DIPK1A: variants seen among roughly 807,000 people sequenced by gnomAD.
DIPK1A encodes the protein divergent protein kinase domain 1A, also known as family with sequence similarity 69 member A.
In DIPK1A, 27 loss-of-function variants were observed where a neutral mutation model predicts 40.8. That is an observed-to-expected ratio of 0.66 (90% confidence interval 0.49 to 0.91). The LOEUF is 0.91. Among genes scored for constraint, DIPK1A ranks in the 40% least tolerant of loss-of-function variants. DIPK1A has a pLI of 0.00. For synonymous variants in DIPK1A, 166 were observed against 171.3 expected (o/e 0.97, Z 0.24); for missense variants, 412 against 505.7 (o/e 0.81, Z 1.78).
intron 1 of DIPK1A, among the ~76,000 whole-genome samples, chr1:92,958,036 T>C (rs1481669781): frequency 6.6e-6 from 1 of 152,228 alleles, no homozygotes; most frequent in Non-Finnish European, 1.5e-5. Flanking sequence ...CATGTTACAG[T>C]GTGTATCAGA....
intron 1 of DIPK1A, among the ~76,000 whole-genome samples, chr1:92,944,692 G>C (rs909526819): frequency 4.6e-5 from 7 of 152,172 alleles, no homozygotes; most frequent in Admixed American, 3.9e-4. Context: ...GAGTGCAGTG[G>C]TGCGATCTTG....
chr1:92,953,887 CA>C (rs1651737606), intron 1 of DIPK1A, among the ~76,000 whole-genome samples: 1 of 151,962 alleles, frequency 6.6e-6, no homozygotes, highest in Non-Finnish European at 1.5e-5. Context: ...GTTAAGATAG[CA>C]AATTTTATGT....
chr1:92,858,369 G>C (rs1374756135), intron 2 of DIPK1A, among the ~76,000 whole-genome samples: 1 of 151,962 alleles, frequency 6.6e-6, no homozygotes, highest in Non-Finnish European at 1.5e-5. Context: ...TTGTGTCCAA[G>C]TTATCTTCCC....
intron 2 of DIPK1A, among the ~76,000 whole-genome samples, chr1:92,853,626 A>G (rs1460436880): frequency 6.6e-6 from 1 of 152,224 alleles, no homozygotes; most frequent in Non-Finnish European, 1.5e-5. Context: ...TAGTGTAAGT[A>G]TAGACCACCT....
At chr1:92,911,055 T>C (rs964194874) in intron 1 of DIPK1A, among the ~76,000 whole-genome samples, 1 of 152,234 alleles carries the variant, frequency 6.6e-6, no homozygotes, top group African/African-American at 2.4e-5. Flanking sequence ...TCATACAATA[T>C]GTAAACTTTG....
chr1:92,846,843 GTGTGTATATATATA>G (rs1687639168), intron 4 of DIPK1A, among the ~76,000 whole-genome samples: 14 of 330 alleles, frequency 0.042, no homozygotes, highest in Admixed American at 0.25. Context: ...ATATATATAT[GTGTGTATATATATA>G]TGTGTGTATA....
chr1:92,855,027 G>A (rs528649682), intron 2 of DIPK1A, among the ~76,000 whole-genome samples: 1 of 151,448 alleles, frequency 6.6e-6, no homozygotes, highest in Middle Eastern at 3.4e-3. Flanking sequence ...AAGTCAAGTT[G>A]AAGTCCCATA....
chr1:92,892,104 C>G (rs1648915676), intron 1 of DIPK1A, among the ~76,000 whole-genome samples: 1 of 152,090 alleles, frequency 6.6e-6, no homozygotes, highest in Non-Finnish European at 1.5e-5. Flanking sequence ...AAACAAAAGG[C>G]AGCAGAAACC....
chr1:92,862,729 C>CTA (rs1647336789), intron 2 of DIPK1A, among the ~76,000 whole-genome samples: 1 of 152,182 alleles, frequency 6.6e-6, no homozygotes, highest in Non-Finnish European at 1.5e-5. Context: ...AACTCCTTAC[C>CTA]ATGAGATACA....
intron 1 of DIPK1A, among the ~76,000 whole-genome samples, chr1:92,917,175 C>G (rs972860213): frequency 1.3e-5 from 2 of 152,174 alleles, no homozygotes; most frequent in African/African-American, 4.8e-5. Flanking sequence ...ACTCTTCCCC[C>G]TATGTTGACT....
At chr1:92,896,177 A>G (rs1335395062) in intron 1 of DIPK1A, among the ~76,000 whole-genome samples, 1 of 152,194 alleles carries the variant, frequency 6.6e-6, no homozygotes, top group Non-Finnish European at 1.5e-5. Context: ...ATGGAACCAA[A>G]AAAGAGCCCG....
chr1:92,947,478 T>C (rs1229137128), intron 1 of DIPK1A, among the ~76,000 whole-genome samples: 8 of 152,152 alleles, frequency 5.3e-5, no homozygotes, highest in Non-Finnish European at 1.0e-4. Flanking sequence ...AAAAGGGAAC[T>C]CTTATACACA....
At chr1:92,862,514 TGTC>T (rs1378238855) in intron 2 of DIPK1A, among the ~76,000 whole-genome samples, 1 of 152,202 alleles carries the variant, frequency 6.6e-6, no homozygotes, top group Non-Finnish European at 1.5e-5. Flanking sequence ...CCATTCCCAT[TGTC>T]AATGCCATAG....
At chr1:92,867,671 A>T (rs1161487450) in intron 2 of DIPK1A, among the ~76,000 whole-genome samples, 5 of 151,866 alleles carry the variant, frequency 3.3e-5, no homozygotes, top group East Asian at 3.9e-4. Context: ...ACACCTGGCT[A>T]ATTTTTGTAT....
chr1:92,927,566 T>A (rs1347462954), intron 1 of DIPK1A, among the ~76,000 whole-genome samples: 1 of 152,056 alleles, frequency 6.6e-6, no homozygotes, highest in Non-Finnish European at 1.5e-5. Context: ...ACAATCAAAT[T>A]ATAGATCATT....
chr1:92,943,926 A>G (rs1015380917), intron 1 of DIPK1A, among the ~76,000 whole-genome samples: 5 of 152,228 alleles, frequency 3.3e-5, no homozygotes, highest in Non-Finnish European at 7.3e-5. Flanking sequence ...AACATATAGA[A>G]AATAAAATCT....
chr1:92,896,606 G>A (rs10874750), intron 1 of DIPK1A, among the ~76,000 whole-genome samples: 134,441 of 145,738 alleles, frequency 0.92, 62,102 homozygotes, highest in East Asian at 0.97. Context: ...CAAGGACTTC[G>A]TGTCTAAAAC....
At chr1:92,927,039 T>A (rs1650541609) in intron 1 of DIPK1A, among the ~76,000 whole-genome samples, 1 of 152,190 alleles carries the variant, frequency 6.6e-6, no homozygotes. Flanking sequence ...ATTTGTCTCA[T>A]CTGTTTGCTG....
At chr1:92,880,609 C>G (rs966100782) in intron 1 of DIPK1A, among the ~76,000 whole-genome samples, 13 of 150,288 alleles carry the variant, frequency 8.7e-5, no homozygotes, top group South Asian at 4.2e-4. Context: ...TGGCTCACGC[C>G]TGTTATCCCA....
Sources: allele counts gnomAD v4.1 joint callset (sites outside exome capture counted in the v4.1 genomes callset), GRCh38; gene constraint gnomAD v4.1.1; transcripts MANE v1.5; gene names NCBI Gene and HGNC (gene_info 2026-07-23, HGNC 2026-07-21).